SPMIP2: variants seen among roughly 807,000 people sequenced by gnomAD.
SPMIP2 encodes sperm microtubule inner protein 2.
the SPMIP2 span, among the ~76,000 whole-genome samples, chr4:159,082,449 C>CTCTGTGTGTGTGTGTG: frequency 1.8e-5 from 2 of 111,604 alleles, no homozygotes; most frequent in African/African-American, 3.5e-5. Context: ...CCACTTTTCT[C>CTCTGTGTGTGTGTGTG]TGTGTGTGTG....
the SPMIP2 span, among the ~76,000 whole-genome samples, chr4:159,052,877 C>A: frequency 3.1e-4 from 47 of 151,126 alleles, no homozygotes; most frequent in Admixed American, 2.6e-3. Context: ...CTTAGGTGAT[C>A]TGCCTACCTC....
the SPMIP2 span, among the ~76,000 whole-genome samples, chr4:158,942,835 A>G: frequency 2.0e-5 from 3 of 152,188 alleles, no homozygotes; most frequent in Non-Finnish European, 4.4e-5. Flanking sequence ...AATGTTGGTT[A>G]ACTCAAAATT....
At chr4:158,976,697 GCT>G in the SPMIP2 span, among the ~76,000 whole-genome samples, 5 of 114,618 alleles carry the variant, frequency 4.4e-5, no homozygotes, top group Non-Finnish European at 6.6e-5. Flanking sequence ...ACAGAGTCTC[GCT>G]CTGTCACCAG....
At chr4:158,904,477 A>G in the SPMIP2 span, 4 of 1,613,222 alleles carry the variant, frequency 2.5e-6, no homozygotes, top group Non-Finnish European at 3.4e-6. Context: ...ATTGAATCCA[A>G]CGACCTGCCT....
At chr4:158,988,314 CAA>C in the SPMIP2 span, among the ~76,000 whole-genome samples, 1 of 152,154 alleles carries the variant, frequency 6.6e-6, no homozygotes, top group African/African-American at 2.4e-5. Context: ...ACCAGAGGTA[CAA>C]AGAGGAGCTG....
chr4:158,992,759 G>A, the SPMIP2 span, among the ~76,000 whole-genome samples: 2 of 152,208 alleles, frequency 1.3e-5, no homozygotes, highest in Non-Finnish European at 1.5e-5. Flanking sequence ...GGTCCCAACA[G>A]GGCAGCAGGT....
chr4:158,947,033 C>T, the SPMIP2 span, among the ~76,000 whole-genome samples: 2 of 152,116 alleles, frequency 1.3e-5, no homozygotes, highest in Non-Finnish European at 2.9e-5. Context: ...TCCCCCACTG[C>T]TCAGCTGAAG....
chr4:158,998,536 C>T, the SPMIP2 span, among the ~76,000 whole-genome samples: 5 of 152,136 alleles, frequency 3.3e-5, no homozygotes, highest in African/African-American at 1.2e-4. Flanking sequence ...GTCAATTTGG[C>T]CCCATATCAT....
chr4:158,942,358 C>T, the SPMIP2 span, among the ~76,000 whole-genome samples: 1 of 152,156 alleles, frequency 6.6e-6, no homozygotes, highest in African/African-American at 2.4e-5. Flanking sequence ...GTTAGGCTTC[C>T]GGATATGTGT....
the SPMIP2 span, among the ~76,000 whole-genome samples, chr4:159,024,890 C>T: frequency 6.0e-4 from 91 of 152,224 alleles, no homozygotes; most frequent in Middle Eastern, 6.8e-3. Context: ...TGTGACCTAC[C>T]TCAGGTGACG....
the SPMIP2 span, among the ~76,000 whole-genome samples, chr4:158,963,623 A>AC: frequency 1.3e-5 from 2 of 152,098 alleles, no homozygotes; most frequent in African/African-American, 4.8e-5. Context: ...CAAGATTCTC[A>AC]CCCCCTGGTA....
chr4:159,035,307 C>A, the SPMIP2 span: 1 of 485,482 alleles, frequency 2.1e-6, no homozygotes, highest in African/African-American at 1.9e-5. Context: ...GAGACAGATA[C>A]TGCTATAGTC....
At chr4:158,994,903 G>A in the SPMIP2 span, among the ~76,000 whole-genome samples, 6 of 152,096 alleles carry the variant, frequency 3.9e-5, no homozygotes, top group African/African-American at 7.2e-5. Flanking sequence ...CTCATGGCCC[G>A]GAAAATTTTT....
At chr4:159,047,726 A>G in the SPMIP2 span, among the ~76,000 whole-genome samples, 3 of 152,228 alleles carry the variant, frequency 2.0e-5, no homozygotes, top group African/African-American at 4.8e-5. Context: ...GGCTGGAGCC[A>G]GTAGTTGACA....
the SPMIP2 span, chr4:158,906,844 C>T: frequency 2.0e-5 from 3 of 152,140 alleles, no homozygotes; most frequent in Non-Finnish European, 4.4e-5. Flanking sequence ...TGAGATCCAC[C>T]GCTCACACGC....
the SPMIP2 span, among the ~76,000 whole-genome samples, chr4:159,001,534 C>G: frequency 5.3e-5 from 8 of 152,210 alleles, no homozygotes; most frequent in East Asian, 1.4e-3. Context: ...GGCTATTGTT[C>G]TCTTCTTTGT....
the SPMIP2 span, among the ~76,000 whole-genome samples, chr4:159,063,087 A>C: frequency 2.9e-4 from 44 of 152,282 alleles, no homozygotes; most frequent in South Asian, 8.3e-4. Flanking sequence ...CTATTTACTC[A>C]ACCTCACAAT....
At chr4:159,058,186 CT>C in the SPMIP2 span, among the ~76,000 whole-genome samples, 579 of 141,418 alleles carry the variant, frequency 4.1e-3, 6 homozygotes, top group African/African-American at 0.014. Context: ...ATTTGCTGGG[CT>C]TTTTTTTTTT....
chr4:158,936,591 C>T, the SPMIP2 span, among the ~76,000 whole-genome samples: 1 of 152,320 alleles, frequency 6.6e-6, no homozygotes, highest in South Asian at 2.1e-4. Context: ...TTGAGAAACA[C>T]ATTTAGAAAC....
Sources: gnomAD v4.1 joint callset for allele counts (sites outside exome capture counted in the v4.1 genomes callset) on GRCh38, gnomAD v4.1.1 for gene constraint, MANE v1.5 for transcripts, NCBI Gene and HGNC (gene_info 2026-07-23, HGNC 2026-07-21) for gene names.